The following TET1 variants were observed in gnomAD, a reference collection of about 807,000 sequenced individuals.
TET1 encodes the protein tet methylcytosine dioxygenase 1.
In TET1, 13 loss-of-function variants were observed where a neutral mutation model predicts 148.7. The observed-to-expected ratio is 0.09, with a 90% CI of 0.06 to 0.14. TET1 has a LOEUF of 0.14. Ranked by LOEUF, TET1 falls within the 10% of genes least tolerant of loss-of-function variation. TET1 has a pLI of 1.00. For missense variants in TET1, 2,182 were observed against 2,553.8 expected (o/e 0.85, Z 3.14); for synonymous variants, 907 against 937.2 (o/e 0.97, Z 0.59).
rs536390238 is a variant in TET1, at chr10:68,638,263, C to A, written c.1969-6435C>A. On this transcript the variant is annotated intron_variant, in intron 3 of 11. Transcript: ENST00000373644. Reference sequence around the variant, plus strand: ...CCAGTGGTTGTCTCTGAGTTTTTTCCAAAAACACTCAGTTTTCAGGCTGAC... The same window carrying A: ...CCAGTGGTTGTCTCTGAGTTTTTTCAAAAAACACTCAGTTTTCAGGCTGAC... 2.6e-5 allele frequency among the ~76,000 whole-genome samples: 4 copies of A among 152,172 alleles called. No individual in the cohort carries two copies. In the South Asian group the frequency reaches 8.3e-4, roughly 32 times the overall value.
At position 68,667,027 on chromosome 10, in the gene TET1, T is replaced by A; in HGVS notation, c.4462-18T>A. On this transcript the variant is annotated intron_variant, in intron 6 of 11. Transcript: ENST00000373644. ...GGCATACTTGTCTTCCATAGATGAA[T>A]GTATTCTGTTTTTTCAGGTTTTAAG... 6.2e-7 allele frequency: 1 copy of A among 1,609,226 alleles called. No homozygotes were observed. Among genetic ancestry groups the A allele is most frequent in the Non-Finnish European group, 8.5e-7 (1 of 1,176,934 alleles).
At chr10:68,676,706 TG>T (rs2055367151) in intron 8 of TET1, among the ~76,000 whole-genome samples, 1 of 152,150 alleles carries the variant, frequency 6.6e-6, no homozygotes, top group African/African-American at 2.4e-5. Flanking sequence ...TGAGCCACTG[TG>T]CCTGGCCCAC....
intron 2 of TET1, among the ~76,000 whole-genome samples, chr10:68,578,815 A>T (rs1323084637): frequency 6.6e-6 from 1 of 151,922 alleles, no homozygotes; most frequent in Non-Finnish European, 1.5e-5. Context: ...GGGTGCTGGG[A>T]TTGTAGGCAT....
intron 2 of TET1, among the ~76,000 whole-genome samples, chr10:68,597,044 T>TTTTTTTTTTTTTTTTTTTG (rs2053997577): frequency 6.9e-6 from 1 of 144,986 alleles, no homozygotes; most frequent in Non-Finnish European, 1.5e-5. Flanking sequence ...TTTTTTTTTT[T>TTTTTTTTTTTTTTTTTTTG]TTTTTTTGAG....
At chr10:68,624,792 C>T (rs559500994) in intron 3 of TET1, among the ~76,000 whole-genome samples, 12 of 149,804 alleles carry the variant, frequency 8.0e-5, no homozygotes, top group Non-Finnish European at 1.6e-4. Context: ...AGTGCAGTGG[C>T]GCAATCTCAG....
rs79144972 is a variant in TET1 at position 68,591,522 on chromosome 10, C to G, written c.1915-9459C>G. Among the ~76,000 whole-genome samples the G allele has an allele frequency of 8.3e-3, 1,259 of 152,258 alleles. 11 individuals are homozygous for G. The highest frequency in any genetic ancestry group is 0.029 in the African/African-American group (1,205 of 41,536). ...TGTAGGCAGTCAAATCTTGCTTCTCCATAGATTGTGTGAGACTCGAGTAAA... is the reference window on the plus strand; with the variant it reads ...TGTAGGCAGTCAAATCTTGCTTCTCGATAGATTGTGTGAGACTCGAGTAAA... On this transcript the variant is annotated intron_variant, in intron 2 of 11. Transcript: ENST00000373644.
At chr10:68,683,921 G>C (rs1335145769) in intron 10 of TET1, among the ~76,000 whole-genome samples, 1 of 152,108 alleles carries the variant, frequency 6.6e-6, no homozygotes, top group Non-Finnish European at 1.5e-5. Context: ...TAAGAAATAC[G>C]TAAATTAGGC....
At chr10:68,666,435 G>A (rs183465832) in intron 6 of TET1, among the ~76,000 whole-genome samples, 1 of 152,156 alleles carries the variant, frequency 6.6e-6, no homozygotes, top group East Asian at 1.9e-4. Context: ...GCCAAAATTC[G>A]TTGTCAAGTT....
chr10:68,587,891 T>C (rs2053877669), intron 2 of TET1, among the ~76,000 whole-genome samples: 1 of 152,198 alleles, frequency 6.6e-6, no homozygotes, highest in Non-Finnish European at 1.5e-5. Context: ...TGTTTTGTTT[T>C]GTTTTTTGAG....
intron 3 of TET1, among the ~76,000 whole-genome samples, chr10:68,616,714 T>C (rs1249941134): frequency 1.3e-5 from 2 of 151,690 alleles, no homozygotes; most frequent in Non-Finnish European, 2.9e-5. Context: ...ATTTAAACTT[T>C]TTTTTTTTTT....
chr10:68,577,233 G>T (rs2053742503), intron 2 of TET1, among the ~76,000 whole-genome samples: 1 of 149,052 alleles, frequency 6.7e-6, no homozygotes, highest in South Asian at 2.1e-4. Flanking sequence ...TTTTAATAGA[G>T]ACAGGGTTTT....
chr10:68,580,299 T>C (rs1262621163), intron 2 of TET1, among the ~76,000 whole-genome samples: 1 of 149,470 alleles, frequency 6.7e-6, no homozygotes, highest in Admixed American at 6.8e-5. Flanking sequence ...ACCAATGCAT[T>C]TTTATTATAT....
chr10:68,644,622 T>C (rs966578), intron 3 of TET1, 76 bp from the exon 4 acceptor site: 188,406 of 1,385,862 alleles, frequency 0.14, 15,344 homozygotes, highest in African/African-American at 0.35. Flanking sequence ...CATTTAGTTG[T>C]TATTAAATTT....
intron 11 of TET1, among the ~76,000 whole-genome samples, chr10:68,687,423 C>T (rs927794975): frequency 6.6e-5 from 10 of 151,938 alleles, no homozygotes; most frequent in Non-Finnish European, 1.2e-4. Context: ...ATTCGAAGCC[C>T]TACTCGTTGT....
chr10:68,677,981 C>T (rs1259645525), intron 8 of TET1, among the ~76,000 whole-genome samples: 1 of 151,472 alleles, frequency 6.6e-6, no homozygotes, highest in Non-Finnish European at 1.5e-5. Flanking sequence ...CTCTGTCACC[C>T]AGGCAGAGTG....
At chr10:68,632,882 C>G (rs1426665521) in intron 3 of TET1, among the ~76,000 whole-genome samples, 1 of 145,236 alleles carries the variant, frequency 6.9e-6, no homozygotes, top group Non-Finnish European at 1.5e-5. Context: ...TTAAGAAAAC[C>G]AGATTTGTCA....
intron 3 of TET1, among the ~76,000 whole-genome samples, chr10:68,627,867 C>T (rs1042227341): frequency 3.3e-5 from 5 of 151,820 alleles, no homozygotes; most frequent in Admixed American, 1.3e-4. Context: ...ACCTGAGAGG[C>T]GGAGGTTGCA....
intron 3 of TET1, among the ~76,000 whole-genome samples, chr10:68,640,266 A>AT (rs530716761): frequency 0.04 from 5,563 of 138,248 alleles, 342 homozygotes; most frequent in African/African-American, 0.14. Context: ...TCTACCTTAA[A>AT]TTTTTTTTTT....
chr10:68,586,484 C>T (rs951814456), intron 2 of TET1, among the ~76,000 whole-genome samples: 11 of 29,774 alleles, frequency 3.7e-4, no homozygotes, highest in African/African-American at 9.1e-4. Context: ...AGCCAGCTAA[C>T]GTTTTTTTTT....
Sources: gnomAD v4.1 joint callset for allele counts (sites outside exome capture counted in the v4.1 genomes callset) on GRCh38, gnomAD v4.1.1 for gene constraint, MANE v1.5 for transcripts, NCBI Gene and HGNC (gene_info 2026-07-23, HGNC 2026-07-21) for gene names.